The following SDE2 variants were observed in gnomAD, a reference collection of about 807,000 sequenced individuals.
The protein encoded by SDE2 is spliceosome associated SDE2.
Under a neutral mutation model 46.9 loss-of-function variants are expected in SDE2, and 31 were observed. The observed-to-expected ratio is 0.66, with a 90% CI of 0.50 to 0.89. The LOEUF (loss-of-function observed/expected upper bound fraction) is 0.89. SDE2 is among the 40% of genes least tolerant of loss of function. SDE2 has a pLI of 0.00. For synonymous variants in SDE2, 205 were observed against 204.3 expected (o/e 1.00, Z -0.03); for missense variants, 542 against 564.4 (o/e 0.96, Z 0.40).
chr1:225,998,339 A>G (rs761784411), intron 1 of SDE2, among the ~76,000 whole-genome samples: 14 of 152,188 alleles, frequency 9.2e-5, no homozygotes, highest in Non-Finnish European at 1.8e-4. Flanking sequence ...AAGTCTCTTA[A>G]AATTTTGGTC....
intron 1 of SDE2, among the ~76,000 whole-genome samples, chr1:225,998,718 C>A (rs1197941873): frequency 2.0e-5 from 3 of 152,132 alleles, no homozygotes; most frequent in African/African-American, 7.2e-5. Context: ...CAACGACTGA[C>A]CAGAAGAATC....
In SDE2 at chr1:225,985,410, C is replaced by T. The variant is rs757108817; in HGVS notation, c.1248G>A (p.Gly416=). The T allele has an allele frequency of 1.2e-6, 2 of 1,614,142 alleles. No homozygotes were observed. The highest frequency in any genetic ancestry group is 2.2e-5 in the South Asian group (2 of 91,084). Residue 416 remains glycine (G), a synonymous_variant, in exon 7 of 7, where the codon GGG becomes GGA. Transcript: ENST00000272091. Reference sequence around the variant, plus strand: ...TTGCTGCCCGCTCCTGCAGAGTGCCCCCACATTTCAGTCCAAGGGCCATCA... The same window carrying T: ...TTGCTGCCCGCTCCTGCAGAGTGCCTCCACATTTCAGTCCAAGGGCCATCA... ...CELMALGLKC[G]GTLQERAARL...
chr1:225,992,053 C>T (rs1284051807), intron 4 of SDE2, among the ~76,000 whole-genome samples: 1 of 152,100 alleles, frequency 6.6e-6, no homozygotes, highest in African/African-American at 2.4e-5. Context: ...GTGGCGTGTG[C>T]CTGTAATCCC....
At chr1:225,990,386 G>A (rs1030969371) in intron 5 of SDE2, among the ~76,000 whole-genome samples, 6 of 152,018 alleles carry the variant, frequency 3.9e-5, no homozygotes, top group African/African-American at 1.4e-4. Context: ...CTAGAGGTGG[G>A]GAAAAGGGAC....
chr1:225,986,335 T>TAA (rs937266609), intron 6 of SDE2, among the ~76,000 whole-genome samples: 8 of 136,420 alleles, frequency 5.9e-5, no homozygotes, highest in Non-Finnish European at 4.8e-5. Flanking sequence ...ACTCTGTCAT[T>TAA]AAAAAAAAAA....
intron 6 of SDE2, among the ~76,000 whole-genome samples, chr1:225,987,486 A>G (rs1317498692): frequency 6.6e-6 from 1 of 152,204 alleles, no homozygotes; most frequent in Non-Finnish European, 1.5e-5. Context: ...CACATTAGAA[A>G]AAGCTGAGTA....
intron 1 of SDE2, among the ~76,000 whole-genome samples, chr1:225,997,747 G>T (rs976199155): frequency 2.0e-5 from 3 of 152,110 alleles, no homozygotes; most frequent in African/African-American, 7.2e-5. Context: ...TCTTGCTTCC[G>T]ATTTAAAAAT....
chr1:225,985,120 T>G lies in SDE2; in HGVS notation c.*182A>C, dbSNP rs1656239744. On this transcript the variant is annotated 3_prime_UTR_variant, in exon 7 of 7. Coordinates refer to ENST00000272091, the MANE Select transcript of SDE2 (RefSeq NM_152608.4). ...CTATAGAAAACCAGACAAAGAAAAT[T>G]TAAGGCCCAGATGGTTTCAGACATT... 1 of 595,874 alleles carries G rather than the reference T, an allele frequency of 1.7e-6. No individual in the cohort carries two copies. Among genetic ancestry groups the G allele is most frequent in the Non-Finnish European group, 3.0e-6 (1 of 337,336 alleles). The allele number at this position is 595,874 out of a possible 1,614,324, so 36.9% of individuals were successfully genotyped here.
At chr1:225,989,426 C>G (rs1315303625) in intron 5 of SDE2, among the ~76,000 whole-genome samples, 2 of 151,052 alleles carry the variant, frequency 1.3e-5, no homozygotes, top group African/African-American at 4.9e-5. Flanking sequence ...GTTAGGAGTT[C>G]AAGACTAGCC....
intron 5 of SDE2, among the ~76,000 whole-genome samples, chr1:225,989,803 C>T (rs553945470): frequency 1.3e-5 from 2 of 150,460 alleles, no homozygotes; most frequent in South Asian, 2.1e-4. Flanking sequence ...GGGCTGGACG[C>T]GGTGGCTCAC....
chr1:225,994,427 T>C (rs1656475542), intron 2 of SDE2, among the ~76,000 whole-genome samples: 1 of 152,242 alleles, frequency 6.6e-6, no homozygotes, highest in Admixed American at 6.5e-5. Context: ...TAGTCTGAGA[T>C]GTCAGCTCTC....
chr1:225,995,112 T>C (rs1656492937), intron 2 of SDE2, among the ~76,000 whole-genome samples, 154 bp downstream of exon 2: 1 of 152,166 alleles, frequency 6.6e-6, no homozygotes, highest in African/African-American at 2.4e-5. Context: ...AAAGAATTCA[T>C]AAGGTAAAAC....
chr1:225,998,030 G>C (rs1656570127), intron 1 of SDE2, among the ~76,000 whole-genome samples: 1 of 152,268 alleles, frequency 6.6e-6, no homozygotes, highest in Non-Finnish European at 1.5e-5. Context: ...GGGAGGCTGA[G>C]GCAGGAGAAC....
Position 225,988,134 on chromosome 1 carries a change from G to C in SDE2, c.896C>G (p.Ala299Gly). The C allele has an allele frequency of 6.2e-7, 1 of 1,614,164 alleles. No homozygotes were observed. The highest frequency in any genetic ancestry group is 1.1e-5 in the South Asian group (1 of 91,086). ...SGRHILEDSC[A>G]ELGESKEHME... ...GTGCTCTTTGGACTCCCCCAGCTCA[G>C]CACATGAGTCTTCTAAAATATGCCT... is the stretch of plus-strand genomic sequence containing the variant. The change falls in exon 6 of 7, where the codon GCT (alanine) becomes GGT (glycine). Residue 299 changes from alanine (A) to glycine (G), a missense_variant. Transcript: ENST00000272091.
chr1:225,987,859 G>C (rs778233921), intron 6 of SDE2, 37 bp downstream of exon 6: 4 of 1,561,976 alleles, frequency 2.6e-6, no homozygotes, highest in African/African-American at 2.7e-5. Context: ...AGATTAAACT[G>C]ATTTGGCTCT....
At chr1:225,997,091 G>A (rs573350569) in intron 1 of SDE2, among the ~76,000 whole-genome samples, 2 of 152,302 alleles carry the variant, frequency 1.3e-5, no homozygotes, top group South Asian at 2.1e-4. Context: ...CGTGGGGGTC[G>A]TTATGACATT....
Position 225,983,775 on chromosome 1 carries a change from A to G in SDE2, c.*1527T>C, listed in dbSNP as rs1656210159. ...AGACAACATATTGGGTCATAAAACGAGTCTCAATAAAACTAAGAGGATTGA... is the reference window on the plus strand; with the variant it reads ...AGACAACATATTGGGTCATAAAACGGGTCTCAATAAAACTAAGAGGATTGA... On this transcript the variant is annotated 3_prime_UTR_variant, in exon 7 of 7. Coordinates refer to ENST00000272091, the MANE Select transcript of SDE2 (RefSeq NM_152608.4). The G allele has an allele frequency of 6.6e-6, 1 of 152,180 alleles. No homozygotes were observed. The allele number at this position is 152,180 out of a possible 1,614,324, so 9.4% of individuals were successfully genotyped here.
chr1:225,989,572 T>C (rs902311237), intron 5 of SDE2, among the ~76,000 whole-genome samples: 2 of 147,948 alleles, frequency 1.4e-5, no homozygotes, highest in African/African-American at 5.0e-5. Flanking sequence ...GAGGTTGCAG[T>C]AAGCCGAGAT....
At chr1:225,995,868 A>G (rs1656511290) in intron 1 of SDE2, among the ~76,000 whole-genome samples, 1 of 152,220 alleles carries the variant, frequency 6.6e-6, no homozygotes, top group Non-Finnish European at 1.5e-5. Flanking sequence ...TAGGAGACAT[A>G]AATACATGAA....
Sources: gnomAD v4.1 joint callset for allele counts (sites outside exome capture counted in the v4.1 genomes callset) on GRCh38, gnomAD v4.1.1 for gene constraint, MANE v1.5 for transcripts, NCBI Gene and HGNC (gene_info 2026-07-23, HGNC 2026-07-21) for gene names.